The following DNAH3 variants were observed in gnomAD, a reference collection of about 807,000 sequenced individuals.
DNAH3 encodes axonemal beta dynein heavy chain 3.
DNAH3 carries 332 observed loss-of-function variants against 432.5 expected under a neutral mutation model. The observed-to-expected ratio is 0.77, with a 90% confidence interval of 0.70 to 0.84. DNAH3 has a LOEUF of 0.84. Ranked by LOEUF, DNAH3 falls within the 40% of genes least tolerant of loss-of-function variation. DNAH3 has a pLI of 0.00. For synonymous variants in DNAH3, 1,956 were observed against 1,900.2 expected, an observed-to-expected ratio of 1.03 and a Z score of -0.76; for missense variants, 4,861 against 5,114.0, an observed-to-expected ratio of 0.95 and a Z score of 1.51.
chr16:21,033,350 C>A (rs1046312577), intron 36 of DNAH3, among the ~76,000 whole-genome samples: 2 of 152,154 alleles, frequency 1.3e-5, no homozygotes, highest in Admixed American at 1.3e-4. Context: ...CACGAAAAAA[C>A]CCACAACTGT....
chr16:21,157,282 G>A (rs948364061), intron 1 of DNAH3, among the ~76,000 whole-genome samples: 1 of 150,420 alleles, frequency 6.6e-6, no homozygotes, highest in Non-Finnish European at 1.5e-5. Context: ...CTAAGTTCTC[G>A]ACAGCCACAG....
chr16:21,026,049 G>A (rs1383000014), intron 38 of DNAH3, among the ~76,000 whole-genome samples: 4 of 151,934 alleles, frequency 2.6e-5, no homozygotes, highest in Non-Finnish European at 5.9e-5. Flanking sequence ...CCAATAACTC[G>A]ATTAACAGGC....
chr16:21,019,976 C>T (rs982304445), intron 40 of DNAH3, 107 bp from the exon 41 acceptor site: 18 of 1,283,318 alleles, frequency 1.4e-5, no homozygotes, highest in Non-Finnish European at 1.6e-5. Flanking sequence ...AGAAGGGCGA[C>T]TGATATTGGC....
chr16:21,122,637 T>C (rs1293566407), intron 9 of DNAH3, among the ~76,000 whole-genome samples: 1 of 152,172 alleles, frequency 6.6e-6, no homozygotes, highest in African/African-American at 2.4e-5. Flanking sequence ...CCAAAGCCTT[T>C]ATTCCCTTTT....
chr16:21,067,619 T>C (rs745318605), intron 23 of DNAH3, among the ~76,000 whole-genome samples, 200 bp from the exon 24 acceptor site: 16 of 151,778 alleles, frequency 1.1e-4, no homozygotes, highest in Non-Finnish European at 2.1e-4. Context: ...TGGGCAGGGA[T>C]TGGGTACTAA....
chr16:20,980,229 T>TA (rs1567571725), intron 49 of DNAH3, among the ~76,000 whole-genome samples: 36 of 103,860 alleles, frequency 3.5e-4, no homozygotes, highest in South Asian at 1.4e-3. Context: ...ATATTATTTA[T>TA]TTATATTATA....
chr16:20,997,307 C>T lies in DNAH3; in HGVS notation c.6577G>A (p.Gly2193Arg), dbSNP rs143704696. The change falls in exon 44 of 62, where the codon GGG (glycine) becomes AGG (arginine). Residue 2193 changes from glycine (G) to arginine (R), a missense_variant. Gly to Arg is a moderately radical substitution (Grantham distance 125). Coordinates refer to ENST00000261383, the Ensembl canonical transcript of DNAH3. Reference sequence around the variant, plus strand: ...CCAGTAATGTCATTCCTTCCTCCCCCGGGGGGCCCCATGGCTGTCACGAGC... The same window carrying T: ...CCAGTAATGTCATTCCTTCCTCCCCTGGGGGGCCCCATGGCTGTCACGAGC... The T allele has an allele frequency of 9.8e-4, 1,588 of 1,614,064 alleles. 4 individuals carry two copies. The highest frequency in any genetic ancestry group is 3.8e-3 in the Middle Eastern group (23 of 6,062).
intron 9 of DNAH3, among the ~76,000 whole-genome samples, chr16:21,123,316 A>G (rs2092382094): frequency 6.6e-6 from 1 of 152,222 alleles, no homozygotes; most frequent in Non-Finnish European, 1.5e-5. Context: ...GCTGTAAAGT[A>G]CTTCTTACAT....
intron 54 of DNAH3, among the ~76,000 whole-genome samples, chr16:20,957,804 T>A: frequency 2.2e-5 from 1 of 45,572 alleles, no homozygotes; most frequent in East Asian, 8.8e-4. Context: ...CGAAACTCCA[T>A]CTCCAAAAAA....
chr16:20,934,773 CTTG>C (rs891226727), intron 61 of DNAH3, among the ~76,000 whole-genome samples: 14 of 151,660 alleles, frequency 9.2e-5, no homozygotes, highest in African/African-American at 1.9e-4. Flanking sequence ...CATTTTTTTT[CTTG>C]TTGTATTTAT....
At chr16:21,020,348 G>GTGTGTGTGTGTGTATATATA in intron 40 of DNAH3, among the ~76,000 whole-genome samples, 2 of 69,156 alleles carry the variant, frequency 2.9e-5, no homozygotes, top group South Asian at 1.3e-3. Flanking sequence ...TATAGTGTGT[G>GTGTGTGTGTGTGTATATATA]TATATATATA....
intron 44 of DNAH3, among the ~76,000 whole-genome samples, chr16:20,989,299 G>C (rs1389926472): frequency 6.6e-6 from 1 of 152,142 alleles, no homozygotes; most frequent in African/African-American, 2.4e-5. Flanking sequence ...CTACACAAAG[G>C]TTCTCCAAGG....
intron 42 of DNAH3, 47 bp downstream of exon 42, chr16:21,003,057 G>A (rs1274636995): frequency 8.1e-7 from 1 of 1,227,714 alleles, no homozygotes; most frequent in Non-Finnish European, 1.2e-6. Flanking sequence ...AGAATATTTG[G>A]ATGATTCTGG....
intron 57 of DNAH3, among the ~76,000 whole-genome samples, chr16:20,946,956 T>C (rs917504170): frequency 2.6e-5 from 4 of 151,016 alleles, no homozygotes; most frequent in Non-Finnish European, 5.9e-5. Flanking sequence ...TCCTGAGTAG[T>C]TGGGACTACA....
intron 1 of DNAH3, among the ~76,000 whole-genome samples, chr16:21,154,166 G>C (rs1363760024): frequency 6.6e-6 from 1 of 152,248 alleles, no homozygotes; most frequent in Non-Finnish European, 1.5e-5. Flanking sequence ...CAGCTGGGGA[G>C]GCCAAGGCGA....
At chr16:20,965,107 C>T (rs1219011851) in exon 53 of DNAH3, 1 of 1,614,072 alleles carries the variant, frequency 6.2e-7, no homozygotes, top group Non-Finnish European at 8.5e-7. Flanking sequence ...CAGCTCTGCT[C>T]TTTTCTGGTT....
chr16:21,078,323 T>G (rs2091052303), intron 20 of DNAH3, among the ~76,000 whole-genome samples: 1 of 147,434 alleles, frequency 6.8e-6, no homozygotes, highest in African/African-American at 2.5e-5. Context: ...ACTGTTCATA[T>G]GTGTTCAATC....
chr16:21,084,855 C>T (rs2091311071), intron 19 of DNAH3, among the ~76,000 whole-genome samples: 1 of 152,238 alleles, frequency 6.6e-6, no homozygotes, highest in South Asian at 2.1e-4. Context: ...TTCCCGGCCC[C>T]GCGGCATGTT....
chr16:20,985,288 T>C (rs777162338), exon 48 of DNAH3: 4 of 1,614,228 alleles, frequency 2.5e-6, no homozygotes, highest in Non-Finnish European at 3.4e-6. Flanking sequence ...CACGGTGCTC[T>C]TGGTGGCCAC....
Sources: allele counts gnomAD v4.1 joint callset (sites outside exome capture counted in the v4.1 genomes callset), GRCh38; gene constraint gnomAD v4.1.1; transcripts MANE v1.5; gene names NCBI Gene and HGNC (gene_info 2026-07-23, HGNC 2026-07-21).